Variants in PHRF1 observed in about 807,000 individuals in gnomAD.
PHRF1 encodes PHD and ring finger domains 1.
Under a neutral mutation model 128.9 loss-of-function variants are expected in PHRF1, and 53 were observed. The ratio of observed to expected loss-of-function variants is 0.41; its 90% CI spans 0.33 to 0.52. The LOEUF (loss-of-function observed/expected upper bound fraction) is 0.52. Among genes scored for constraint, PHRF1 ranks in the 20% least tolerant of loss-of-function variants. PHRF1 has a pLI of 0.21. For synonymous variants in PHRF1, 1,178 were observed against 980.6 expected (o/e 1.20, Z -3.76); for missense variants, 2,503 against 2,284.5 (o/e 1.10, Z -1.95).
chr11:610,058 CT>C (rs1190517767), intron 14 of PHRF1, 137 bp from the exon 15 acceptor site: 4 of 1,179,916 alleles, frequency 3.4e-6, no homozygotes, highest in Non-Finnish European at 4.6e-6. Flanking sequence ...GCAACCTCCC[CT>C]TGGTGCTGGG....
intron 1 of PHRF1, among the ~76,000 whole-genome samples, chr11:579,659 G>A (rs540947608): frequency 6.6e-6 from 1 of 152,236 alleles, no homozygotes; most frequent in Non-Finnish European, 1.5e-5. Flanking sequence ...AGCACCAGGG[G>A]TGCAGACTGC....
chr11:598,339 A>C, intron 8 of PHRF1, 34 bp from the exon 9 acceptor site: 1 of 1,597,406 alleles, frequency 6.3e-7, no homozygotes, highest in African/African-American at 1.3e-5. Context: ...TGAGGCCCCA[A>C]GGGCATCTGA....
chr11:582,175 C>T, intron 3 of PHRF1, 94 bp downstream of exon 3: 1 of 1,528,010 alleles, frequency 6.5e-7, no homozygotes, highest in South Asian at 1.2e-5. Context: ...AGTGCTGTCA[C>T]CACAGCTGGC....
chr11:598,654 CG>C (rs1564854020), intron 9 of PHRF1, among the ~76,000 whole-genome samples, 152 bp downstream of exon 9: 1 of 152,200 alleles, frequency 6.6e-6, no homozygotes, highest in East Asian at 1.9e-4. Context: ...GAAGCCGCGC[CG>C]GGCCCGGGAG....
chr11:603,663 ATTGT>A (rs1291743428), intron 10 of PHRF1, among the ~76,000 whole-genome samples: 1 of 143,784 alleles, frequency 7.0e-6, no homozygotes, highest in Non-Finnish European at 1.5e-5. Flanking sequence ...ACTCAAGATT[ATTGT>A]TTATTTCCTA....
intron 13 of PHRF1, 141 bp downstream of exon 13, chr11:606,737 A>C (rs1220099768): frequency 4.8e-6 from 6 of 1,257,896 alleles, no homozygotes; most frequent in Non-Finnish European, 6.4e-6. Flanking sequence ...TTCTGCATTG[A>C]TTTCCCTTCT....
chr11:605,398 G>T (rs936562219), intron 11 of PHRF1, 98 bp downstream of exon 11: 2 of 1,507,852 alleles, frequency 1.3e-6, no homozygotes, highest in Admixed American at 3.9e-5. Context: ...GTTAGGTTTT[G>T]TGTTTGAGAG....
In PHRF1 at chr11:601,706, G is replaced by T. The variant is rs777667679; in HGVS notation, c.1152+5G>T. The stretch of plus-strand genomic sequence containing the variant: ...AGAAGAGGGAAGAAGGTAAAGGTGA[G>T]CATTGGGTGGCAGGGCCTGAGTCTC... On this transcript the variant is annotated splice_donor_5th_base_variant and intron_variant, in intron 10 of 17. Coordinates refer to ENST00000264555, the MANE Select transcript of PHRF1 (RefSeq NM_001286581.2). The T allele has an allele frequency of 1.2e-6, 2 of 1,613,660 alleles. No homozygotes were observed. Among genetic ancestry groups the T allele is most frequent in the Admixed American group, 1.7e-5 (1 of 59,992 alleles).
rs1040878236 is a variant in PHRF1 at position 607,242 on chromosome 11, G to A, written c.1786G>A (p.Ala596Thr). 1.2e-5 allele frequency: 20 copies of A among 1,612,278 alleles called. No individual in the cohort carries two copies. Among genetic ancestry groups the A allele is most frequent in the East Asian group, 2.2e-5 (1 of 44,870 alleles). Residue 596 changes from alanine to threonine, a missense_variant, in exon 14 of 18, where the codon GCG (alanine) becomes ACG (threonine). Coordinates refer to ENST00000264555, the MANE Select transcript of PHRF1 (RefSeq NM_001286581.2). ...QGRSRTPART[A>T]GAPVRLDLPA... ...CAGGTCCCGCACCCCCGCCCGCACCGCGGGGGCGCCTGTGAGGCTGGACTT... is the reference window on the plus strand; with the variant it reads ...CAGGTCCCGCACCCCCGCCCGCACCACGGGGGCGCCTGTGAGGCTGGACTT...
In PHRF1 at chr11:607,465, C is replaced by T. The variant is rs778725659; in HGVS notation, c.2009C>T (p.Ala670Val). 24 of 1,612,722 alleles carry T rather than the reference C, an allele frequency of 1.5e-5. No individual in the cohort carries two copies. Among genetic ancestry groups the T allele is most frequent in the Middle Eastern group, 1.6e-4 (1 of 6,084 alleles). ...GTGCCGGGGCCTCCCCTGAAGCCAG[C>T]GCCCAGAAGAACAGACATCTCTGAG... is the stretch of plus-strand genomic sequence containing the variant. ...SVVPGPPLKP[A>V]PRRTDISELP... is the part of the protein sequence containing the mutation. The change falls in exon 14 of 18, where the codon GCG becomes GTG. Residue 670 changes from alanine to valine, a missense_variant. Physicochemically the swap from Ala to Val is moderately conservative, Grantham distance 64. Coordinates refer to ENST00000264555, the MANE Select transcript of PHRF1 (RefSeq NM_001286581.2).
rs116828268 is a variant in PHRF1 at position 597,074 on chromosome 11, C to G, written c.718+54C>G. 1 of 1,553,410 alleles carries G rather than the reference C, an allele frequency of 6.4e-7. No homozygotes were observed. Among genetic ancestry groups the G allele is most frequent in the Non-Finnish European group, 8.8e-7 (1 of 1,135,698 alleles). On this transcript the variant is annotated intron_variant, in intron 7 of 17. Coordinates refer to ENST00000264555, the MANE Select transcript of PHRF1 (RefSeq NM_001286581.2). This position sits in a 1 kb window ranked among gnomAD's most constrained non-coding sequence, Gnocchi z 6.5. ...CACATGGGCCTTCTCACTGTCCACT[C>G]TGCGGTCCCCGGGGTTAGGTTTGGC...
chr11:591,412 C>T lies in PHRF1; in HGVS notation c.449C>T (p.Thr150Ile), dbSNP rs774511285. 4 of 1,609,846 alleles carry T rather than the reference C, an allele frequency of 2.5e-6. No homozygotes were observed. The South Asian group carries it at 4.4e-5, about 18-fold the overall frequency. ...KNANSCPVDR[T>I]LFKCICIRAQ... ...GCCAATTCCTGTCCAGTTGATCGAA[C>T]TCTATTTAAGTGCATTTGTATTCGA... Residue 150 changes from threonine (T) to isoleucine (I), a missense_variant, in exon 5 of 18, where the codon ACT becomes ATT. Coordinates refer to ENST00000264555, the MANE Select transcript of PHRF1 (RefSeq NM_001286581.2).
In PHRF1 at chr11:608,030, G is replaced by A. The variant is rs1589901414; in HGVS notation, c.2574G>A (p.Glu858=). 1 of 1,611,224 alleles carries A rather than the reference G, an allele frequency of 6.2e-7. No individual in the cohort carries two copies. ...CTGGCCCCGGCCTCCTGCCCTCTGA[G>A]ATCACACGAACCATCTCCATCAACA... is the stretch of plus-strand genomic sequence containing the variant. ...ERSGPGLLPS[E]ITRTISINSP... Residue 858 remains glutamate, a synonymous_variant, in exon 14 of 18, where the codon GAG becomes GAA. Transcript: ENST00000264555.
intron 4 of PHRF1, among the ~76,000 whole-genome samples, chr11:590,432 TGA>T (rs1854899499): frequency 4.6e-5 from 7 of 152,098 alleles, no homozygotes; most frequent in Admixed American, 4.6e-4. Context: ...GCTCCAATCC[TGA>T]GAAACCCCAG....
Position 597,689 on chromosome 11 carries a change from T to G in PHRF1, c.894+119T>G. The stretch of plus-strand genomic sequence containing the variant: ...GTGGGGTCCGCCCGGCCCCGGTGGC[T>G]CATGTTGTTCGGCCTGCTGAGGGGA... On this transcript the variant is annotated intron_variant, in intron 8 of 17. Coordinates refer to ENST00000264555, the MANE Select transcript of PHRF1 (RefSeq NM_001286581.2). This position sits in a 1 kb window ranked among gnomAD's most constrained non-coding sequence, Gnocchi z 6.5. The G allele has an allele frequency of 7.6e-7, 1 of 1,322,422 alleles. No individual in the cohort carries two copies. Among genetic ancestry groups the G allele is most frequent in the Non-Finnish European group, 1.0e-6 (1 of 975,022 alleles). 81.9% of individuals were successfully genotyped at this position (1,322,422 alleles called of 1,614,324 possible).
At chr11:602,452 G>A (rs1269963298) in intron 10 of PHRF1, among the ~76,000 whole-genome samples, 1 of 151,968 alleles carries the variant, frequency 6.6e-6, no homozygotes, top group Non-Finnish European at 1.5e-5. Context: ...GGGCTGAGGC[G>A]GACGGATCAC....
chr11:592,513 G>T (rs376039581), intron 5 of PHRF1, 46 bp from the exon 6 acceptor site: 46 of 1,559,770 alleles, frequency 2.9e-5, no homozygotes, highest in Non-Finnish European at 3.8e-5. Context: ...AAGTGACTGC[G>T]GGGAGTTTGG....
At position 579,608 on chromosome 11, in the gene PHRF1, G is replaced by C. The variant is rs377230696; in HGVS notation, c.-21-1884G>C. ...GCCAGTGTCTCTAGGATTCAGGTGC[G>C]GGACGAGCAGGGCGTCTCTGCGGAG... On this transcript the variant is annotated intron_variant, in intron 1 of 17. Transcript: ENST00000264555. Among the ~76,000 whole-genome samples, 8 of 152,326 alleles carry C rather than the reference G, an allele frequency of 5.3e-5. No individual in the cohort carries two copies. In the East Asian group the frequency reaches 1.2e-3, roughly 22 times the overall value.
chr11:577,380 T>C (rs1246919909), intron 1 of PHRF1, among the ~76,000 whole-genome samples: 2 of 152,260 alleles, frequency 1.3e-5, no homozygotes, highest in Non-Finnish European at 2.9e-5. Flanking sequence ...AGCAGTCAGC[T>C]GGGTGAACCA....
Sources: gnomAD v4.1 joint callset for allele counts (sites outside exome capture counted in the v4.1 genomes callset) on GRCh38, gnomAD v4.1.1 for gene constraint, Gnocchi (gnomAD v3.1) non-coding constraint, MANE v1.5 for transcripts, NCBI Gene and HGNC (gene_info 2026-07-23, HGNC 2026-07-21) for gene names.